The following TFB1M variants were observed in gnomAD, a reference collection of about 807,000 sequenced individuals.
TFB1M encodes the protein dimethyladenosine transferase 1, mitochondrial.
A neutral mutation model predicts 31.1 loss-of-function variants in TFB1M; 27 were observed. The observed-to-expected ratio is 0.87, with a 90% CI of 0.64 to 1.20. The LOEUF (loss-of-function observed/expected upper bound fraction) is 1.20. Among genes scored for constraint, TFB1M ranks in the 50% most tolerant of loss-of-function variants. TFB1M has a pLI of 0.00. For synonymous variants in TFB1M, 166 were observed against 151.8 expected (o/e 1.09, Z -0.69); for missense variants, 394 against 418.7 (o/e 0.94, Z 0.51).
chr6:155,284,853 T>TG (rs1776552557), intron 5 of TFB1M, among the ~76,000 whole-genome samples: 1 of 152,210 alleles, frequency 6.6e-6, no homozygotes, highest in Non-Finnish European at 1.5e-5. Context: ...TGGGTGACCG[T>TG]GTAACTTATC....
At chr6:155,282,483 T>C (rs1776414868) in intron 5 of TFB1M, among the ~76,000 whole-genome samples, 1 of 152,224 alleles carries the variant, frequency 6.6e-6, no homozygotes, top group Non-Finnish European at 1.5e-5. Flanking sequence ...ATCTGATTCT[T>C]AGAGTTTTGA....
the TFB1M span, among the ~76,000 whole-genome samples, chr6:155,242,130 G>A: frequency 6.6e-6 from 1 of 152,104 alleles, no homozygotes; most frequent in African/African-American, 2.4e-5. Flanking sequence ...TTTTCTTAGG[G>A]CCCCCCTGGG....
intron 4 of TFB1M, among the ~76,000 whole-genome samples, chr6:155,291,965 A>G (rs946130812): frequency 5.3e-5 from 8 of 152,240 alleles, no homozygotes; most frequent in Non-Finnish European, 1.0e-4. Flanking sequence ...CTGGCATTAA[A>G]AAGTTTTGTT....
At chr6:155,311,710 T>C (rs721101) in intron 1 of TFB1M, among the ~76,000 whole-genome samples, 28,533 of 152,242 alleles carry the variant, frequency 0.19, 3,103 homozygotes, top group South Asian at 0.26. Context: ...TCTATAGTTA[T>C]TGAACATTGA....
chr6:155,271,491 T>C (rs2114700025), intron 5 of TFB1M, among the ~76,000 whole-genome samples: 1 of 152,358 alleles, frequency 6.6e-6, no homozygotes, highest in Non-Finnish European at 1.5e-5. Flanking sequence ...CCTGTAGGTT[T>C]AGTGATCAGA....
chr6:155,257,208 A>C lies in TFB1M; in HGVS notation c.*628T>G, dbSNP rs1242260969. The C allele has an allele frequency of 6.7e-6, 9 of 1,352,856 alleles. No homozygotes were observed. The highest frequency in any genetic ancestry group is 9.1e-6 in the Non-Finnish European group (9 of 990,776). 83.8% of individuals were successfully genotyped at this position (1,352,856 alleles called of 1,614,324 possible). A position where few individuals can be genotyped will look rare whatever the true frequency, so the allele number is the denominator to read the frequency against. Reference sequence around the variant, plus strand: ...GAAATTGCAAAAAAAAAAAAAAAAAAAAACTGTTCATTCCTGGGTTTTGTG... The same window carrying C: ...GAAATTGCAAAAAAAAAAAAAAAAACAAACTGTTCATTCCTGGGTTTTGTG... On this transcript the variant is annotated 3_prime_UTR_variant, in exon 7 of 7. Coordinates refer to ENST00000367166, the MANE Select transcript of TFB1M (RefSeq NM_016020.4).
the TFB1M span, chr6:155,240,526 T>C: frequency 6.2e-7 from 1 of 1,602,080 alleles, no homozygotes. Context: ...TTGTCCTCTC[T>C]CAGAGTGCTG....
At chr6:155,276,438 A>G (rs750017875) in intron 5 of TFB1M, 32 of 1,314,710 alleles carry the variant, frequency 2.4e-5, no homozygotes, top group Non-Finnish European at 3.3e-5. Flanking sequence ...CTTTTAGATT[A>G]AAAAAAAATC....
At chr6:155,268,160 TA>T (rs762745281) in intron 5 of TFB1M, among the ~76,000 whole-genome samples, 8 of 152,346 alleles carry the variant, frequency 5.3e-5, no homozygotes, top group Non-Finnish European at 8.8e-5. Context: ...TATTTCCATT[TA>T]ATCGCTCCCA....
intron 1 of TFB1M, among the ~76,000 whole-genome samples, chr6:155,311,649 T>C (rs1478951584): frequency 6.6e-6 from 1 of 152,224 alleles, no homozygotes; most frequent in Non-Finnish European, 1.5e-5. Context: ...TTCAAACTGA[T>C]TTGAAACCAA....
intron 5 of TFB1M, chr6:155,276,425 G>A (rs898772969): frequency 4.0e-5 from 61 of 1,514,764 alleles, no homozygotes; most frequent in Non-Finnish European, 4.8e-5. Context: ...GTGCCAAATG[G>A]GACTTTTAGA....
the TFB1M span, among the ~76,000 whole-genome samples, chr6:155,246,961 C>T: frequency 1.2e-4 from 19 of 152,222 alleles, no homozygotes; most frequent in Non-Finnish European, 1.9e-4. Flanking sequence ...CTGGTGTATC[C>T]GCTGGTACCC....
intron 2 of TFB1M, among the ~76,000 whole-genome samples, chr6:155,300,295 T>A (rs116718064): frequency 6.6e-6 from 1 of 152,218 alleles, no homozygotes; most frequent in Non-Finnish European, 1.5e-5. Context: ...CATGGTAGTT[T>A]AGCAAAAATA....
In TFB1M at chr6:155,256,511, A is replaced by C; in HGVS notation, c.*1325T>G. The C allele has an allele frequency of 6.2e-7, 1 of 1,614,236 alleles. No homozygotes were observed. The highest frequency in any genetic ancestry group is 8.5e-7 in the Non-Finnish European group (1 of 1,180,040). On this transcript the variant is annotated 3_prime_UTR_variant, in exon 7 of 7. Transcript: ENST00000367166. ...TCATCCAGGTCTTTAAAAGTCCTGA[A>C]GAATTCCTCCAGCAACGAGTGGACC... is the stretch of plus-strand genomic sequence containing the variant.
chr6:155,244,206 G>C, the TFB1M span: 1 of 907,840 alleles, frequency 1.1e-6, no homozygotes, highest in East Asian at 2.5e-5. Flanking sequence ...ACGGTCTTCT[G>C]AGAGTCCCAG....
At chr6:155,245,734 A>G in the TFB1M span, 1 of 1,481,260 alleles carries the variant, frequency 6.8e-7, no homozygotes, top group South Asian at 1.2e-5. Context: ...GGAGCGAGGT[A>G]AGTTGCTTAT....
chr6:155,273,768 A>T (rs1441255984), intron 5 of TFB1M, among the ~76,000 whole-genome samples: 2 of 152,214 alleles, frequency 1.3e-5, no homozygotes, highest in Middle Eastern at 3.2e-3. Flanking sequence ...TGGCTGCTGA[A>T]GACTGTATGA....
At chr6:155,244,541 TTC>T in the TFB1M span, 1 of 1,283,742 alleles carries the variant, frequency 7.8e-7, no homozygotes, top group Non-Finnish European at 1.1e-6. Context: ...AGGATTTACT[TTC>T]TGTCTGCTTT....
intron 2 of TFB1M, among the ~76,000 whole-genome samples, chr6:155,305,168 A>G (rs1159486160): frequency 1.1e-5 from 1 of 94,594 alleles, no homozygotes; most frequent in Non-Finnish European, 1.9e-5. Context: ...ATTAAATTAT[A>G]TATTTATATA....
Sources: allele counts gnomAD v4.1 joint callset (sites outside exome capture counted in the v4.1 genomes callset), GRCh38; gene constraint gnomAD v4.1.1; transcripts MANE v1.5; gene names NCBI Gene and HGNC (gene_info 2026-07-23, HGNC 2026-07-21).